Variants in HPD observed in about 807,000 individuals in gnomAD.
HPD encodes 4-hydroxyphenylpyruvate dioxygenase, also known as 4-hydroxyphenylpyruvic acid oxidase.
HPD carries 35 observed loss-of-function variants against 56.9 expected under a neutral mutation model. The ratio of observed to expected loss-of-function variants is 0.62; its 90% CI spans 0.47 to 0.82. HPD has a LOEUF of 0.82. Among genes scored for constraint, HPD ranks in the 40% least tolerant of loss-of-function variants. The pLI is 0.00. For synonymous variants in HPD, 186 were observed against 200.2 expected (o/e 0.93, Z 0.60); for missense variants, 442 against 506.8 (o/e 0.87, Z 1.23).
the HPD span, among the ~76,000 whole-genome samples, chr12:121,869,281 C>T: frequency 4.8e-3 from 705 of 148,120 alleles, 9 homozygotes; most frequent in African/African-American, 0.017. Context: ...ACCTGGGAGA[C>T]GGAGGTTGCA....
At chr12:121,887,934 A>T in the HPD span, among the ~76,000 whole-genome samples, 1 of 152,170 alleles carries the variant, frequency 6.6e-6, no homozygotes, top group Non-Finnish European at 1.5e-5. Context: ...TTAGAGGCAC[A>T]TGGTCAGATA....
At chr12:121,862,149 C>T (rs982345863), upstream of HPD, among the ~76,000 whole-genome samples, 1 of 152,222 alleles carries the variant, frequency 6.6e-6, no homozygotes, top group African/African-American at 2.4e-5. Context: ...AGGACCCTGG[C>T]AGATTAGAGA....
the HPD span, among the ~76,000 whole-genome samples, chr12:121,870,171 A>G: frequency 6.6e-6 from 1 of 151,926 alleles, no homozygotes; most frequent in South Asian, 2.1e-4. Flanking sequence ...GAGGCAGCAC[A>G]CTTTTTCAAA....
rs762639058 is a variant in HPD at position 121,857,384 on chromosome 12, T to C, written c.142A>G (p.Arg48Gly). ...SKMGFEPLAYRGLETGSREVV... is the reference protein window; with the variant it reads ...SKMGFEPLAYGGLETGSREVV... ...TCCCGGGAACCGGTCTCCAGGCCCC[T>C]GTAGGCTAGAGGTTCAAAGCCCATC... is the stretch of plus-strand genomic sequence containing the variant. Residue 48 changes from arginine (R) to glycine (G), a missense_variant, in exon 4 of 14, where the codon AGG (arginine) becomes GGG (glycine). By Grantham distance (125) the Arg-to-Gly change is moderately radical (BLOSUM62 -2). Transcript: ENST00000289004. 3.1e-6 allele frequency: 5 copies of C among 1,614,042 alleles called. No individual in the cohort carries two copies. Among genetic ancestry groups the C allele is most frequent in the Non-Finnish European group, 3.4e-6 (4 of 1,179,988 alleles).
intron 4 of HPD, chr12:121,857,049 T>C (rs1878027492): frequency 2.0e-6 from 1 of 507,802 alleles, no homozygotes; most frequent in East Asian, 3.7e-5. Flanking sequence ...AATTATATGT[T>C]TTTGTTGTTG....
chr12:121,841,218 A>T (rs1877396246), intron 12 of HPD, among the ~76,000 whole-genome samples: 1 of 151,348 alleles, frequency 6.6e-6, no homozygotes, highest in Non-Finnish European at 1.5e-5. Context: ...AAAAAAAAAA[A>T]ATTAGCTGGG....
chr12:121,851,312 T>C (rs1232466693), intron 7 of HPD, among the ~76,000 whole-genome samples: 1 of 151,412 alleles, frequency 6.6e-6, no homozygotes, highest in East Asian at 1.9e-4. Context: ...ACCATTTTTA[T>C]GTTTAATTTA....
intron 12 of HPD, among the ~76,000 whole-genome samples, chr12:121,840,932 G>A (rs143731561): frequency 6.5e-4 from 98 of 151,896 alleles, no homozygotes; most frequent in African/African-American, 2.3e-3. Flanking sequence ...GGTGGCTCAC[G>A]CCTGTAATCC....
At chr12:121,851,052 G>A (rs956005501) in intron 7 of HPD, among the ~76,000 whole-genome samples, 1 of 151,908 alleles carries the variant, frequency 6.6e-6, no homozygotes, top group African/African-American at 2.4e-5. Context: ...TAGTAGAGAT[G>A]GGGTTTCTCC....
rs3741586 is a variant in HPD at position 121,854,640 on chromosome 12, G to A, written c.414+63C>T. 0.053 allele frequency: 59,453 copies of A among 1,128,578 alleles called. 3,082 individuals carry two copies. The highest frequency in any genetic ancestry group is 0.16 in the South Asian group (12,975 of 81,364). The allele number at this position is 1,128,578 out of a possible 1,614,324, so 69.9% of individuals were successfully genotyped here. On this transcript the variant is annotated intron_variant, in intron 7 of 13. Transcript: ENST00000289004. ...GGGATGGTTTGATGGAGTCAGCTGCGGGGCTCCTGGCATCTCAGTGGTGCC... is the reference window on the plus strand; with the variant it reads ...GGGATGGTTTGATGGAGTCAGCTGCAGGGCTCCTGGCATCTCAGTGGTGCC...
intron 11 of HPD, 77 bp downstream of exon 11, chr12:121,846,785 C>G (rs1370590714): frequency 1.4e-6 from 2 of 1,394,666 alleles, no homozygotes; most frequent in African/African-American, 2.8e-5. Flanking sequence ...ACTGCCGCCA[C>G]CCGCCCTCTC....
chr12:121,840,158 G>A (rs1412567845), intron 12 of HPD, 110 bp from the exon 13 acceptor site: 5 of 783,160 alleles, frequency 6.4e-6, no homozygotes, highest in Non-Finnish European at 6.9e-6. Context: ...TCTTTTTCTG[G>A]CAGTTCAGCC....
chr12:121,855,972 CAAAAAA>C (rs57671436), intron 6 of HPD, among the ~76,000 whole-genome samples: 9 of 65,340 alleles, frequency 1.4e-4, no homozygotes, highest in South Asian at 6.3e-4. Context: ...CTCCGTCTCA[CAAAAAA>C]AAAAAAAAAA....
chr12:121,852,726 C>T (rs550658169), intron 7 of HPD, among the ~76,000 whole-genome samples: 5 of 145,714 alleles, frequency 3.4e-5, no homozygotes, highest in East Asian at 2.1e-4. Flanking sequence ...CCTCTGCCTC[C>T]TGGGTTCAAG....
the HPD span, among the ~76,000 whole-genome samples, chr12:121,888,552 G>C: frequency 6.6e-6 from 1 of 152,350 alleles, no homozygotes; most frequent in Admixed American, 6.5e-5. Context: ...TCTGCTGCAC[G>C]AATGAGAAAA....
chr12:121,884,867 C>T, the HPD span, among the ~76,000 whole-genome samples: 6 of 152,004 alleles, frequency 3.9e-5, no homozygotes, highest in East Asian at 1.2e-3. Context: ...TTTACTTTAT[C>T]TCTCTCTTGT....
At chr12:121,859,664 T>C (rs1334996968), upstream of HPD, among the ~76,000 whole-genome samples, 1 of 152,214 alleles carries the variant, frequency 6.6e-6, no homozygotes, top group Non-Finnish European at 1.5e-5. Flanking sequence ...GTCATGGAAC[T>C]GGTAAGAGCA....
chr12:121,853,433 C>T (rs1877876869), intron 7 of HPD, among the ~76,000 whole-genome samples: 1 of 148,674 alleles, frequency 6.7e-6, no homozygotes. Flanking sequence ...TCGAGACCAT[C>T]CTGGATAACA....
chr12:121,863,775 G>C (rs1208751030), upstream of HPD, among the ~76,000 whole-genome samples: 1 of 150,486 alleles, frequency 6.6e-6, no homozygotes, highest in Non-Finnish European at 1.5e-5. Context: ...ATGAGACCCT[G>C]TCTCTAAAAG....
Sources: gnomAD v4.1 joint callset for allele counts (sites outside exome capture counted in the v4.1 genomes callset) on GRCh38, gnomAD v4.1.1 for gene constraint, MANE v1.5 for transcripts, NCBI Gene and HGNC (gene_info 2026-07-23, HGNC 2026-07-21) for gene names.